Variants in CDC123 observed in about 807,000 individuals in gnomAD.
CDC123 encodes cell division cycle 123.
In CDC123, 37 loss-of-function variants were observed where a neutral mutation model predicts 54.4. That is an observed-to-expected ratio of 0.68 (90% CI 0.52 to 0.89). The LOEUF is 0.89. CDC123 is among the 40% of genes least tolerant of loss of function. The pLI, the probability that CDC123 is intolerant of heterozygous loss-of-function variation, is 0.00. For synonymous variants in CDC123, 144 were observed against 136.8 expected (o/e 1.05, Z -0.37); for missense variants, 361 against 412.1 (o/e 0.88, Z 1.07).
At chr10:12,233,954 AATAT>A (rs1835941086) in intron 7 of CDC123, among the ~76,000 whole-genome samples, 1 of 152,136 alleles carries the variant, frequency 6.6e-6, no homozygotes, top group Non-Finnish European at 1.5e-5. Context: ...GATCGACTAA[AATAT>A]TGAGAAAATA....
In CDC123 at chr10:12,250,370, C is replaced by T. The variant is rs377345422; in HGVS notation, c.*33C>T. The T allele has an allele frequency of 2.2e-4, 344 of 1,554,880 alleles. No homozygotes were observed. Among genetic ancestry groups the T allele is most frequent in the Non-Finnish European group, 2.7e-4 (307 of 1,126,912 alleles). On this transcript the variant is annotated 3_prime_UTR_variant, in exon 13 of 13. Transcript: ENST00000281141. Reference sequence around the variant, plus strand: ...ACTGGAACTGGAGAAGAGGAGGCCCCGCCCCACCGCTCCGGGAGCTGCTCA... The same window carrying T: ...ACTGGAACTGGAGAAGAGGAGGCCCTGCCCCACCGCTCCGGGAGCTGCTCA...
chr10:12,219,458 G>C (rs1835705234), intron 6 of CDC123, among the ~76,000 whole-genome samples: 1 of 152,044 alleles, frequency 6.6e-6, no homozygotes, highest in South Asian at 2.1e-4. Flanking sequence ...CTGTGCCTGA[G>C]CAAGTATTGT....
chr10:12,206,831 C>T (rs932001904), intron 2 of CDC123, among the ~76,000 whole-genome samples: 21 of 151,940 alleles, frequency 1.4e-4, no homozygotes, highest in Admixed American at 1.3e-4. Context: ...TGGTGGCGGG[C>T]GCCTGGAGTC....
At chr10:12,231,204 C>T (rs1337044787) in intron 7 of CDC123, among the ~76,000 whole-genome samples, 1 of 152,152 alleles carries the variant, frequency 6.6e-6, no homozygotes, top group African/African-American at 2.4e-5. Flanking sequence ...ATGCAGTATA[C>T]ACTTGCTACA....
chr10:12,229,511 C>T (rs1003030581), intron 6 of CDC123, among the ~76,000 whole-genome samples: 7 of 152,218 alleles, frequency 4.6e-5, no homozygotes, highest in Non-Finnish European at 7.3e-5. Flanking sequence ...CCTGCCTTAG[C>T]ACGTTTCTCC....
At chr10:12,233,318 CTCTG>C (rs879590500) in intron 7 of CDC123, among the ~76,000 whole-genome samples, 2,460 of 151,256 alleles carry the variant, frequency 0.016, 26 homozygotes, top group Non-Finnish European at 0.025. Flanking sequence ...CACACACACT[CTCTG>C]TCTCTTTATA....
intron 6 of CDC123, among the ~76,000 whole-genome samples, chr10:12,227,709 G>A (rs1166746761): frequency 6.6e-6 from 1 of 152,062 alleles, no homozygotes; most frequent in Non-Finnish European, 1.5e-5. Flanking sequence ...TGTCGGCCAA[G>A]CTGGTCTCAA....
At chr10:12,249,900 A>T in intron 12 of CDC123, 182 bp downstream of exon 12, 1 of 752,622 alleles carries the variant, frequency 1.3e-6, no homozygotes, top group Non-Finnish European at 2.0e-6. Context: ...GGCATAATTT[A>T]TTGATTAGAA....
At chr10:12,223,176 G>A (rs1588676315) in intron 6 of CDC123, among the ~76,000 whole-genome samples, 1 of 152,214 alleles carries the variant, frequency 6.6e-6, no homozygotes, top group Middle Eastern at 3.2e-3. Flanking sequence ...TTACAGGCTT[G>A]AGCCAGTGTG....
At chr10:12,236,383 G>A (rs1443075533) in intron 8 of CDC123, among the ~76,000 whole-genome samples, 2 of 152,146 alleles carry the variant, frequency 1.3e-5, no homozygotes, top group Non-Finnish European at 2.9e-5. Flanking sequence ...AGGATTGCTT[G>A]AGGCCAGGAG....
At chr10:12,240,025 A>T (rs1836036484) in intron 10 of CDC123, among the ~76,000 whole-genome samples, 2 of 150,864 alleles carry the variant, frequency 1.3e-5, no homozygotes, top group African/African-American at 4.8e-5. Context: ...AAAAAAAAAA[A>T]ATTATTATTA....
intron 7 of CDC123, among the ~76,000 whole-genome samples, chr10:12,234,487 G>A (rs991245572): frequency 6.6e-6 from 1 of 152,204 alleles, no homozygotes; most frequent in African/African-American, 2.4e-5. Flanking sequence ...CGAAAGTGCT[G>A]GGGTTATAGG....
At chr10:12,211,869 G>A (rs1835607153) in intron 4 of CDC123, among the ~76,000 whole-genome samples, 1 of 152,172 alleles carries the variant, frequency 6.6e-6, no homozygotes, top group South Asian at 2.1e-4. Flanking sequence ...AGCACTTTGG[G>A]AGGCCAAGGT....
At chr10:12,232,881 T>G (rs897005805) in intron 7 of CDC123, among the ~76,000 whole-genome samples, 2 of 151,286 alleles carry the variant, frequency 1.3e-5, no homozygotes, top group African/African-American at 4.9e-5. Context: ...TGCCTCAGCC[T>G]CCCAAGGAGC....
At chr10:12,232,142 C>T (rs1009262669) in intron 7 of CDC123, among the ~76,000 whole-genome samples, 4 of 152,066 alleles carry the variant, frequency 2.6e-5, no homozygotes, top group African/African-American at 9.7e-5. Context: ...CCACTGCGCC[C>T]TGCCTTTTTT....
At chr10:12,247,559 C>T (rs1388395460) in intron 11 of CDC123, 2 of 152,216 alleles carry the variant, frequency 1.3e-5, no homozygotes, top group African/African-American at 4.8e-5. Context: ...CTCCAGATGC[C>T]CTCTGCTCTT....
intron 2 of CDC123, among the ~76,000 whole-genome samples, chr10:12,201,169 A>G (rs954952553): frequency 4.6e-5 from 7 of 152,222 alleles, no homozygotes; most frequent in Non-Finnish European, 7.3e-5. Flanking sequence ...AAATGACAGT[A>G]TAGAACTTAC....
At chr10:12,238,560 T>C (rs972641886) in intron 10 of CDC123, 75 bp downstream of exon 10, 52 of 1,545,724 alleles carry the variant, frequency 3.4e-5, no homozygotes, top group East Asian at 2.3e-4. Flanking sequence ...GCCTTTGTTA[T>C]GTGTGTGAAG....
At chr10:12,234,945 A>G in intron 7 of CDC123, 103 bp from the exon 8 acceptor site, 1 of 805,650 alleles carries the variant, frequency 1.2e-6, no homozygotes. Flanking sequence ...TTTTAAAACC[A>G]TTTGATAATG....
Sources: allele counts gnomAD v4.1 joint callset (sites outside exome capture counted in the v4.1 genomes callset), GRCh38; gene constraint gnomAD v4.1.1; transcripts MANE v1.5; gene names NCBI Gene and HGNC (gene_info 2026-07-23, HGNC 2026-07-21).